HHIP: variants seen among roughly 807,000 people sequenced by gnomAD.
The protein encoded by HHIP is hedgehog interacting protein, also known as hedgehog-interacting protein.
A neutral mutation model predicts 74.0 loss-of-function variants in HHIP; 12 were observed. The ratio of observed to expected loss-of-function variants is 0.16; its 90% CI spans 0.10 to 0.26. The LOEUF is 0.26. Ranked by LOEUF, HHIP falls within the 10% of genes least tolerant of loss-of-function variation. HHIP has a pLI of 1.00. For missense variants in HHIP, 788 were observed against 845.0 expected (o/e 0.93, Z 0.84); for synonymous variants, 309 against 311.6 (o/e 0.99, Z 0.09).
At chr4:144,652,519 A>T in intron 1 of HHIP, 86 bp from the exon 2 acceptor site, 2 of 803,424 alleles carry the variant, frequency 2.5e-6, no homozygotes, top group Non-Finnish European at 4.1e-6. Flanking sequence ...AGACTTTTCT[A>T]CTTACACAAT....
At chr4:144,724,234 T>G (rs561238933) in intron 11 of HHIP, among the ~76,000 whole-genome samples, 1 of 152,282 alleles carries the variant, frequency 6.6e-6, no homozygotes, top group South Asian at 2.1e-4. Flanking sequence ...ACATGCAATG[T>G]TATGTAGAGC....
rs374300410 is a variant in HHIP at position 144,737,923 on chromosome 4, C to G, written c.2069C>G (p.Ser690Cys). Residue 690 changes from serine (S) to cysteine (C), a missense_variant, in exon 13 of 13, where the codon TCT (serine) becomes TGT (cysteine). Physicochemically the swap from Ser to Cys is moderately radical, Grantham distance 112. Around this residue, in one of 3 missense-constraint regions of HHIP, gnomAD observed 343 missense variants for 347.9 expected, o/e 0.99. Transcript: ENST00000296575. The part of the protein sequence containing the change: ...GILDQIIDMT[S>C]YLLDLTSYIV ...CTTGATCAGATCATTGACATGACATCTTACTTGCTGGATCTAACAAGTTAC... is the reference window on the plus strand; with the variant it reads ...CTTGATCAGATCATTGACATGACATGTTACTTGCTGGATCTAACAAGTTAC... 1.2e-6 allele frequency: 2 copies of G among 1,611,290 alleles called. No homozygotes were observed.
chr4:144,715,475 T>C, intron 10 of HHIP, 45 bp downstream of exon 10: 1 of 1,575,908 alleles, frequency 6.3e-7, no homozygotes. Context: ...TCACTTCCTT[T>C]TTCAAGAGGC....
intron 11 of HHIP, among the ~76,000 whole-genome samples, chr4:144,720,512 T>C (rs1385351466): frequency 1.3e-5 from 2 of 152,182 alleles, no homozygotes; most frequent in Non-Finnish European, 2.9e-5. Context: ...AGGTGCATTT[T>C]ACACCTTCAA....
At chr4:144,658,981 A>G (rs1181672722) in intron 3 of HHIP, 35 bp downstream of exon 3, 1 of 1,542,038 alleles carries the variant, frequency 6.5e-7, no homozygotes, top group South Asian at 1.2e-5. Flanking sequence ...ATCTTTTTAA[A>G]AAAACCCAAC....
At chr4:144,719,170 G>A (rs183814831) in intron 11 of HHIP, among the ~76,000 whole-genome samples, 28 of 152,208 alleles carry the variant, frequency 1.8e-4, no homozygotes, top group South Asian at 4.1e-4. Context: ...CATTCATGTC[G>A]TCCTTGCTGT....
chr4:144,677,502 T>C (rs1729202328), intron 4 of HHIP, among the ~76,000 whole-genome samples: 1 of 152,114 alleles, frequency 6.6e-6, no homozygotes, highest in Non-Finnish European at 1.5e-5. Context: ...CCCACACCCA[T>C]CCTGGGGCCA....
chr4:144,694,476 A>G (rs754192999), intron 4 of HHIP, among the ~76,000 whole-genome samples: 2 of 151,848 alleles, frequency 1.3e-5, no homozygotes, highest in African/African-American at 2.4e-5. Flanking sequence ...ATGACTAGGA[A>G]ACTCAAGTAT....
intron 4 of HHIP, among the ~76,000 whole-genome samples, chr4:144,677,670 A>G (rs1415199031): frequency 2.0e-5 from 3 of 152,204 alleles, no homozygotes; most frequent in Non-Finnish European, 4.4e-5. Flanking sequence ...CACGGCTTAC[A>G]GAACAAATAA....
chr4:144,701,280 T>G lies in HHIP; in HGVS notation c.832-5251T>G, dbSNP rs371946034. On this transcript the variant is annotated intron_variant, in intron 4 of 12. Transcript: ENST00000296575. ...GTCTTACTGTTTGTAGAAACTCCGC[T>G]TACTTCTTCATGTAAGTTTTTATGT... 1.2e-4 allele frequency among the ~76,000 whole-genome samples: 18 copies of G among 152,170 alleles called. No homozygotes were observed. The South Asian group carries it at 3.7e-3, about 32-fold the overall frequency.
At chr4:144,660,052 T>G in intron 4 of HHIP, 1 of 556,978 alleles carries the variant, frequency 1.8e-6, no homozygotes, top group Non-Finnish European at 3.2e-6. Flanking sequence ...TGCAATCGAA[T>G]TGATATTTGA....
intron 9 of HHIP, 27 bp from the exon 10 acceptor site, chr4:144,715,273 T>C (rs138835142): frequency 8.7e-6 from 14 of 1,603,272 alleles, no homozygotes; most frequent in Admixed American, 6.7e-5. Context: ...GTATTCATTG[T>C]AGCTTTATGG....
chr4:144,663,052 A>T (rs1205733963), intron 4 of HHIP, among the ~76,000 whole-genome samples: 1 of 152,154 alleles, frequency 6.6e-6, no homozygotes. Context: ...TTGGGAGGCC[A>T]AGTCAGGAGG....
chr4:144,732,168 A>G (rs565612909), intron 11 of HHIP, among the ~76,000 whole-genome samples: 2 of 152,316 alleles, frequency 1.3e-5, no homozygotes, highest in East Asian at 3.9e-4. Flanking sequence ...GTAAATGTTC[A>G]TATTAAGGGA....
Position 144,730,828 on chromosome 4 carries a change from A to G in HHIP, c.1761-3913A>G, listed in dbSNP as rs567445230. 4.6e-5 allele frequency among the ~76,000 whole-genome samples: 7 copies of G among 152,274 alleles called. No individual in the cohort carries two copies. In the South Asian group the frequency reaches 1.5e-3, roughly 32 times the overall value. Reference sequence around the variant, plus strand: ...CAGTAAAAGGAAGAATGTCACCATTACAAAGAGTTATTGGAGGGGAATGGT... The same window carrying G: ...CAGTAAAAGGAAGAATGTCACCATTGCAAAGAGTTATTGGAGGGGAATGGT... On this transcript the variant is annotated intron_variant, in intron 11 of 12. Transcript: ENST00000296575.
At chr4:144,678,588 T>G (rs1045977218) in intron 4 of HHIP, among the ~76,000 whole-genome samples, 1 of 151,950 alleles carries the variant, frequency 6.6e-6, no homozygotes. Flanking sequence ...TTCCCCTCCC[T>G]GTGTCCACAT....
At chr4:144,716,340 T>C (rs570900537) in intron 10 of HHIP, among the ~76,000 whole-genome samples, 135 of 152,268 alleles carry the variant, frequency 8.9e-4, no homozygotes, top group African/African-American at 2.9e-3. Flanking sequence ...GACAAGACTG[T>C]TGAAACACAT....
rs1731329297 is a variant in HHIP, at chr4:144,744,224, G to C, written c.*6267G>C. 6.6e-6 allele frequency: 1 copy of C among 151,932 alleles called. No individual in the cohort carries two copies. Among genetic ancestry groups the C allele is most frequent in the South Asian group, 2.1e-4 (1 of 4,828 alleles). 9.4% of individuals were successfully genotyped at this position (151,932 alleles called of 1,614,324 possible). ...TTCAAAAGTAACCCAACTAATTAAA[G>C]TGAAAAAAAATTGTTGAATCACAAT... On this transcript the variant is annotated 3_prime_UTR_variant, in exon 13 of 13. Coordinates refer to ENST00000296575, the MANE Select transcript of HHIP (RefSeq NM_022475.3).
intron 4 of HHIP, among the ~76,000 whole-genome samples, chr4:144,674,913 A>C (rs1459012832): frequency 2.0e-5 from 3 of 152,090 alleles, no homozygotes; most frequent in Admixed American, 6.6e-5. Flanking sequence ...TTGGTAGGGA[A>C]CTGGGCCCCT....
Sources: gnomAD v4.1 joint callset for allele counts (sites outside exome capture counted in the v4.1 genomes callset) on GRCh38, gnomAD v4.1.1 for gene constraint, gnomAD v4.1.1 regional missense constraint, MANE v1.5 for transcripts, NCBI Gene and HGNC (gene_info 2026-07-23, HGNC 2026-07-21) for gene names.